AK8: variants seen among roughly 807,000 people sequenced by gnomAD.
AK8 encodes the protein ATP-AMP transphosphorylase 8.
In AK8, 44 loss-of-function variants were observed where a neutral mutation model predicts 54.6. The ratio of observed to expected loss-of-function variants is 0.81; its 90% confidence interval spans 0.63 to 1.04. AK8 has a LOEUF of 1.04. Ranked by LOEUF, AK8 falls within the 50% of genes least tolerant of loss-of-function variation. The pLI, the probability that AK8 is intolerant of heterozygous loss-of-function variation, is 0.00. For missense variants in AK8, 555 were observed against 613.6 expected (o/e 0.90, Z 1.01); for synonymous variants, 239 against 245.6 (o/e 0.97, Z 0.25).
In AK8 at chr9:132,803,801, C is replaced by G. The variant is rs925120412; in HGVS notation, c.979+10837G>C. ...CATGCTGCCCCCTGTGACCTGTCTC[C>G]TCTTTGTTCCTTCAAGACTAATTCT... On this transcript the variant is annotated intron_variant, in intron 10 of 12. Coordinates refer to ENST00000298545, the MANE Select transcript of AK8 (RefSeq NM_152572.3). The surrounding 1 kb of genome is among the most constrained non-coding windows in gnomAD (Gnocchi z 4.4). Among the ~76,000 whole-genome samples the G allele has an allele frequency of 7.9e-5, 12 of 152,130 alleles. No individual in the cohort carries two copies. Among genetic ancestry groups the G allele is most frequent in the South Asian group, 2.1e-4 (1 of 4,818 alleles).
At chr9:132,756,805 C>A (rs916811855) in intron 11 of AK8, among the ~76,000 whole-genome samples, 2 of 151,976 alleles carry the variant, frequency 1.3e-5, no homozygotes, top group African/African-American at 2.4e-5. Flanking sequence ...AGGCGAATTC[C>A]GCACCCCCAT....
intron 11 of AK8, among the ~76,000 whole-genome samples, chr9:132,740,002 C>T (rs902689685): frequency 2.6e-5 from 4 of 152,248 alleles, no homozygotes; most frequent in African/African-American, 9.6e-5. Flanking sequence ...GGAGGGACGA[C>T]CCCTGATTTG....
rs769817268 is a variant in AK8 at position 132,790,255 on chromosome 9, C to CTT, written c.1121+2377_1121+2378dup. The stretch of plus-strand genomic sequence containing the variant: ...GATTTTAAATCACGGAGCTATACTT[C>CTT]TTTTTTTTTTTTTGAGACGGAGTCT... On this transcript the variant is annotated intron_variant, in intron 11 of 12. Transcript: ENST00000298545. This position sits in a 1 kb window ranked among gnomAD's most constrained non-coding sequence, Gnocchi z 4.1. Among the ~76,000 whole-genome samples the CTT allele has an allele frequency of 5.8e-4, 85 of 145,806 alleles. No individual in the cohort carries two copies. Among genetic ancestry groups the CTT allele is most frequent in the African/African-American group, 1.8e-3 (74 of 40,062 alleles).
At chr9:132,732,314 G>A (rs1318032547) in intron 11 of AK8, among the ~76,000 whole-genome samples, 1 of 152,084 alleles carries the variant, frequency 6.6e-6, no homozygotes, top group African/African-American at 2.4e-5. Context: ...TAACATTTGG[G>A]ATTATGGCAT....
rs138158260 is a variant in AK8, at chr9:132,742,878, C to T, written c.1122-15344G>A. 1.3e-3 allele frequency among the ~76,000 whole-genome samples: 204 copies of T among 152,270 alleles called. 3 individuals carry two copies. Among genetic ancestry groups the T allele is most frequent in the African/African-American group, 4.7e-3 (197 of 41,548 alleles). ...GTGTCATTAGAACAGATGAGGGAACCGAGGGACAGAGGAGTTCAGCAACCA... is the reference window on the plus strand; with the variant it reads ...GTGTCATTAGAACAGATGAGGGAACTGAGGGACAGAGGAGTTCAGCAACCA... On this transcript the variant is annotated intron_variant, in intron 11 of 12. Coordinates refer to ENST00000298545, the MANE Select transcript of AK8 (RefSeq NM_152572.3).
intron 10 of AK8, among the ~76,000 whole-genome samples, chr9:132,800,955 C>T (rs747633902): frequency 3.6e-5 from 5 of 137,728 alleles, no homozygotes; most frequent in South Asian, 2.3e-4. Context: ...GGAGTAGTCT[C>T]GCTCTGTCGC....
At chr9:132,776,417 C>T (rs1034247482) in intron 11 of AK8, among the ~76,000 whole-genome samples, 1 of 152,228 alleles carries the variant, frequency 6.6e-6, no homozygotes, top group African/African-American at 2.4e-5. Context: ...AAGCACGAGG[C>T]CTGCTCTGAG....
intron 10 of AK8, among the ~76,000 whole-genome samples, chr9:132,809,506 C>A (rs2131235309): frequency 6.6e-6 from 1 of 152,330 alleles, no homozygotes; most frequent in East Asian, 1.9e-4. Flanking sequence ...TTTCCTTCCA[C>A]ATCTGCCTCC....
In AK8 at chr9:132,851,509, A is replaced by G. The variant is rs988847839; in HGVS notation, c.402+3348T>C. On this transcript the variant is annotated intron_variant, in intron 5 of 12. Coordinates refer to ENST00000298545, the MANE Select transcript of AK8 (RefSeq NM_152572.3). ...AGATGACAGAGAGGGGAGCTCAGGG[A>G]AGTAACTAAACACAGTGTTTGATGA... Among the ~76,000 whole-genome samples, 5 of 152,350 alleles carry G rather than the reference A, an allele frequency of 3.3e-5. No homozygotes were observed. The East Asian group carries it at 7.7e-4, about 23-fold the overall frequency.
chr9:132,785,530 CG>C (rs1279813852), intron 11 of AK8, among the ~76,000 whole-genome samples: 1 of 152,104 alleles, frequency 6.6e-6, no homozygotes, highest in Non-Finnish European at 1.5e-5. Context: ...TCTAAATTAA[CG>C]GAAGTGGGGC....
At chr9:132,857,652 C>T (rs548261002) in intron 4 of AK8, among the ~76,000 whole-genome samples, 1 of 152,278 alleles carries the variant, frequency 6.6e-6, no homozygotes, top group South Asian at 2.1e-4. Context: ...CTGACAACAC[C>T]CATTCAGGAG....
rs77244258 is a variant in AK8, at chr9:132,821,478, T to C, written c.889+1727A>G. On this transcript the variant is annotated intron_variant, in intron 9 of 12. Coordinates refer to ENST00000298545, the MANE Select transcript of AK8 (RefSeq NM_152572.3). ...TTTTAAAAACGGACTCAGGAACATT[T>C]TTTATTCTAAATGTCCTGATTAATT... is the stretch of plus-strand genomic sequence containing the variant. Among the ~76,000 whole-genome samples, 4 of 152,290 alleles carry C rather than the reference T, an allele frequency of 2.6e-5. No homozygotes were observed. In the East Asian group the frequency reaches 7.7e-4, roughly 29 times the overall value.
intron 11 of AK8, among the ~76,000 whole-genome samples, chr9:132,738,510 C>G (rs1054237212): frequency 2.6e-5 from 4 of 152,034 alleles, no homozygotes; most frequent in African/African-American, 9.7e-5. Context: ...CTTTATAGCT[C>G]AGGGTAAATT....
At chr9:132,834,681 A>G (rs1196159494) in intron 5 of AK8, among the ~76,000 whole-genome samples, 1 of 152,178 alleles carries the variant, frequency 6.6e-6, no homozygotes. Flanking sequence ...CAACGCCGAA[A>G]TATGCAGGAG....
intron 10 of AK8, among the ~76,000 whole-genome samples, chr9:132,813,609 G>A (rs1420602869): frequency 6.6e-6 from 1 of 152,212 alleles, no homozygotes; most frequent in East Asian, 1.9e-4. Context: ...GTGGGTGCGT[G>A]AGTGGGAAAT....
rs780424581 is a variant in AK8, at chr9:132,878,217, C to G, written c.39G>C (p.Glu13Asp). 6.9e-7 allele frequency: 1 copy of G among 1,455,898 alleles called. No individual in the cohort carries two copies. Among genetic ancestry groups the G allele is most frequent in the Admixed American group, 2.5e-5 (1 of 40,270 alleles). 90.2% of individuals were successfully genotyped at this position (1,455,898 alleles called of 1,614,324 possible). ...GGTTCTCCTCCCCGTACTGGGGCAT[C>G]TCGGGGGGGATACGGTGCGGGGCGA... ...ATIAPHRIPP[E>D]MPQYGEENHI... is the part of the protein sequence containing the mutation. The change falls in exon 1 of 13, where the codon GAG becomes GAC. Residue 13 changes from glutamate (E) to aspartate (D), a missense_variant. Physicochemically the swap from Glu to Asp is conservative, Grantham distance 45 (BLOSUM62 2). Coordinates refer to ENST00000298545, the MANE Select transcript of AK8 (RefSeq NM_152572.3). The surrounding 1 kb of genome is among the most constrained non-coding windows in gnomAD (Gnocchi z 4.7).
In AK8 at chr9:132,725,605, T is replaced by C. The variant is rs1048521054; in HGVS notation, c.*83A>G. On this transcript the variant is annotated 3_prime_UTR_variant, in exon 13 of 13. Transcript: ENST00000298545. The stretch of plus-strand genomic sequence containing the variant: ...GTATCCAGCAGGCTTTATTGGCTTT[T>C]TAGGGGAGCTGTGCCGAGGCTGGGG... 9 of 1,289,586 alleles carry C rather than the reference T, an allele frequency of 7.0e-6. No individual in the cohort carries two copies. In the African/African-American group the frequency reaches 8.9e-5, roughly 13 times the overall value. The allele number at this position is 1,289,586 out of a possible 1,614,324, so 79.9% of individuals were successfully genotyped here. A position where few individuals can be genotyped will look rare whatever the true frequency, so the allele number is the denominator to read the frequency against.
In AK8 at chr9:132,792,567, G is replaced by A. The variant is rs1839986690; in HGVS notation, c.1121+67C>T. ...GGCTTGTGTAACCTGGACCCCTTCAGCTGAGCCCTGGAGAGGGGGTGCCCA... is the reference window on the plus strand; with the variant it reads ...GGCTTGTGTAACCTGGACCCCTTCAACTGAGCCCTGGAGAGGGGGTGCCCA... On this transcript the variant is annotated intron_variant, in intron 11 of 12. Coordinates refer to ENST00000298545, the MANE Select transcript of AK8 (RefSeq NM_152572.3). The A allele has an allele frequency of 2.4e-5, 36 of 1,506,774 alleles. 1 individual carries two copies. The South Asian group carries it at 4.0e-4, about 17-fold the overall frequency. The allele number at this position is 1,506,774 out of a possible 1,614,324, so 93.3% of individuals were successfully genotyped here. A position where few individuals can be genotyped will look rare whatever the true frequency, so the allele number is the denominator to read the frequency against.
At chr9:132,765,274 C>A (rs1177052851) in intron 11 of AK8, among the ~76,000 whole-genome samples, 3 of 103,780 alleles carry the variant, frequency 2.9e-5, no homozygotes, top group Non-Finnish European at 5.1e-5. Flanking sequence ...GCCTGGGCAA[C>A]AGAGCGAGAC....
Sources: allele counts gnomAD v4.1 joint callset (sites outside exome capture counted in the v4.1 genomes callset), GRCh38; gene constraint gnomAD v4.1.1; non-coding constraint Gnocchi (gnomAD v3.1); transcripts MANE v1.5; gene names NCBI Gene and HGNC (gene_info 2026-07-23, HGNC 2026-07-21).